The following HECW2 variants were observed in gnomAD, a reference collection of about 807,000 sequenced individuals.
HECW2 encodes the protein E3 ubiquitin-protein ligase HECW2.
HECW2 carries 61 observed loss-of-function variants against 175.2 expected under a neutral mutation model. The observed-to-expected ratio is 0.35, with a 90% CI of 0.28 to 0.43. The LOEUF (loss-of-function observed/expected upper bound fraction) is 0.43, where lower values mean the gene tolerates loss of function less well. Among genes scored for constraint, HECW2 ranks in the 20% least tolerant of loss-of-function variants. HECW2 has a pLI of 1.00. For missense variants in HECW2, 1,524 were observed against 2,000.5 expected (o/e 0.76, Z 4.54); for synonymous variants, 671 against 731.0 (o/e 0.92, Z 1.32).
intron 1 of HECW2, among the ~76,000 whole-genome samples, chr2:196,476,022 T>C (rs915725758): frequency 2.6e-5 from 4 of 152,190 alleles, no homozygotes; most frequent in African/African-American, 7.2e-5. Context: ...TACATTTCTC[T>C]GACACAGGGA....
At chr2:196,500,280 G>A (rs959632049) in intron 1 of HECW2, among the ~76,000 whole-genome samples, 2 of 151,934 alleles carry the variant, frequency 1.3e-5, no homozygotes, top group African/African-American at 4.8e-5. Context: ...GGGAGGGGAG[G>A]GAAAGAAATT....
rs1381330383 is a variant in HECW2 at position 196,195,236 on chromosome 2, G to A, written c.*6041C>T. The A allele has an allele frequency of 6.6e-6, 1 of 152,090 alleles. No homozygotes were observed. The highest frequency in any genetic ancestry group is 1.9e-4 in the East Asian group (1 of 5,204). 9.4% of individuals were successfully genotyped at this position (152,090 alleles called of 1,614,324 possible). On this transcript the variant is annotated 3_prime_UTR_variant, in exon 29 of 29. Coordinates refer to ENST00000644978, the MANE Select transcript of HECW2 (RefSeq NM_001348768.2). ...ACATCATCCATTCTTTTTTATGAAGGTGATAGTAACCAGAAGTTGACTGAT... is the reference window on the plus strand; with the variant it reads ...ACATCATCCATTCTTTTTTATGAAGATGATAGTAACCAGAAGTTGACTGAT...
intron 16 of HECW2, among the ~76,000 whole-genome samples, chr2:196,272,372 A>T (rs1307908089): frequency 6.6e-6 from 1 of 152,188 alleles, no homozygotes; most frequent in Non-Finnish European, 1.5e-5. Context: ...TACCGTTAAT[A>T]CTCTTTTGTC....
intron 2 of HECW2, among the ~76,000 whole-genome samples, chr2:196,382,645 T>C (rs562506191): frequency 1.3e-5 from 2 of 152,306 alleles, no homozygotes; most frequent in East Asian, 1.9e-4. Flanking sequence ...TACAATATAA[T>C]AGCGGATTGT....
chr2:196,463,011 G>T (rs9677260), intron 1 of HECW2, among the ~76,000 whole-genome samples: 34,320 of 152,068 alleles, frequency 0.23, 4,633 homozygotes, highest in African/African-American at 0.38. Flanking sequence ...GTGGTAGTAT[G>T]CCAGGGCTTC....
chr2:196,402,198 C>T (rs1462363860), intron 2 of HECW2, among the ~76,000 whole-genome samples: 1 of 17,758 alleles, frequency 5.6e-5, no homozygotes, highest in Admixed American at 1.1e-3. Flanking sequence ...GAGACTCTGT[C>T]TCAAAAAAAA....
rs12104690 is a variant in HECW2 at position 196,566,042 on chromosome 2, T to C, written c.-36+27466A>G. 2.7e-3 allele frequency among the ~76,000 whole-genome samples: 418 copies of C among 152,238 alleles called. 3 individuals carry two copies. The highest frequency in any genetic ancestry group is 9.3e-3 in the African/African-American group (385 of 41,548). ...TTAAATTACATAGGCATTTTAGAATTCTCACCGCCGCATCAAATCCATATG... is the reference window on the plus strand; with the variant it reads ...TTAAATTACATAGGCATTTTAGAATCCTCACCGCCGCATCAAATCCATATG... On this transcript the variant is annotated intron_variant, in intron 1 of 28. Transcript: ENST00000644978.
intron 1 of HECW2, among the ~76,000 whole-genome samples, chr2:196,562,769 G>A (rs990734296): frequency 3.3e-5 from 5 of 152,128 alleles, no homozygotes; most frequent in African/African-American, 9.7e-5. Context: ...TTTGGCCAGG[G>A]TTGGTGGCTC....
chr2:196,446,937 G>C (rs1274738692), intron 1 of HECW2, among the ~76,000 whole-genome samples: 1 of 152,120 alleles, frequency 6.6e-6, no homozygotes, highest in East Asian at 1.9e-4. Context: ...ATTCCATTCT[G>C]AAGGAACTTA....
At chr2:196,365,121 G>A (rs890370560) in intron 2 of HECW2, among the ~76,000 whole-genome samples, 6 of 152,196 alleles carry the variant, frequency 3.9e-5, no homozygotes, top group Non-Finnish European at 8.8e-5. Flanking sequence ...GTGATTTATG[G>A]ATGCTGAATG....
intron 28 of HECW2, among the ~76,000 whole-genome samples, chr2:196,212,725 T>C (rs988564988): frequency 1.3e-5 from 2 of 152,240 alleles, no homozygotes; most frequent in African/African-American, 4.8e-5. Context: ...GTGAGATTGC[T>C]GGGTTGAATG....
chr2:196,553,351 T>C (rs1018098831), intron 1 of HECW2, among the ~76,000 whole-genome samples: 21 of 152,316 alleles, frequency 1.4e-4, no homozygotes, highest in East Asian at 7.7e-4. Flanking sequence ...CTGTGGGTAC[T>C]TGGCACTGAG....
At chr2:196,217,253 A>G (rs1005820447) in intron 26 of HECW2, 160 bp from the exon 27 acceptor site, 1 of 453,516 alleles carries the variant, frequency 2.2e-6, no homozygotes. Flanking sequence ...ATATATGATC[A>G]TATGAATGTC....
intron 8 of HECW2, 28 bp from the exon 9 acceptor site, chr2:196,319,932 A>G: frequency 6.5e-7 from 1 of 1,544,756 alleles, no homozygotes; most frequent in South Asian, 1.2e-5. Flanking sequence ...ATTTCTAAAA[A>G]ATTAACCAGA....
At position 196,343,546 on chromosome 2, in the gene HECW2, T is replaced by C. The variant is rs16849962; in HGVS notation, c.400+111A>G. 6.8e-3 allele frequency: 4,839 copies of C among 712,380 alleles called. 161 individuals are homozygous for C. In the African/African-American group the frequency reaches 0.075, roughly 11 times the overall value. The allele number at this position is 712,380 out of a possible 1,614,324, so 44.1% of individuals were successfully genotyped here. A position where few individuals can be genotyped will look rare whatever the true frequency, so the allele number is the denominator to read the frequency against. On this transcript the variant is annotated intron_variant, in intron 3 of 28. Transcript: ENST00000644978. ...TATATTTTCCATCATGGCATAAATA[T>C]GTAAATCCAAACCAAAGAATTTCAA... is the stretch of plus-strand genomic sequence containing the variant.
intron 4 of HECW2, chr2:196,331,240 A>G: frequency 2.0e-6 from 2 of 985,094 alleles, no homozygotes. Flanking sequence ...TTGGCTCTCA[A>G]CAAACATGTG....
At chr2:196,577,151 A>G (rs915313269) in intron 1 of HECW2, among the ~76,000 whole-genome samples, 1 of 152,194 alleles carries the variant, frequency 6.6e-6, no homozygotes, top group African/African-American at 2.4e-5. Context: ...CAAGGTGGAT[A>G]TGTTCCAGGT....
At position 196,519,035 on chromosome 2, in the gene HECW2, AT is replaced by A. The variant is rs1688250664; in HGVS notation, c.-36+74472del. Among the ~76,000 whole-genome samples, 3 of 152,300 alleles carry A rather than the reference AT, an allele frequency of 2.0e-5. No homozygotes were observed. In the South Asian group the frequency reaches 6.2e-4, roughly 32 times the overall value. On this transcript the variant is annotated intron_variant, in intron 1 of 28. Coordinates refer to ENST00000644978, the MANE Select transcript of HECW2 (RefSeq NM_001348768.2). ...CTTCAGAACTGGAATTGTTTCAACT[AT>A]TTCCCAAACAACACATTTAATACTA...
intron 1 of HECW2, among the ~76,000 whole-genome samples, chr2:196,547,304 A>G (rs1354744420): frequency 6.6e-6 from 1 of 152,220 alleles, no homozygotes; most frequent in Non-Finnish European, 1.5e-5. Context: ...TAGGAGGGAT[A>G]CTGCACTCAG....
Sources: gnomAD v4.1 joint callset for allele counts (sites outside exome capture counted in the v4.1 genomes callset) on GRCh38, gnomAD v4.1.1 for gene constraint, MANE v1.5 for transcripts, NCBI Gene and HGNC (gene_info 2026-07-23, HGNC 2026-07-21) for gene names.